UNC79: variants seen among roughly 807,000 people sequenced by gnomAD.
UNC79 encodes protein unc-79 homolog.
In UNC79, 37 loss-of-function variants were observed where a neutral mutation model predicts 283.1. The observed-to-expected ratio is 0.13, with a 90% CI of 0.10 to 0.17. The LOEUF (loss-of-function observed/expected upper bound fraction) is 0.17. Among genes scored for constraint, UNC79 ranks in the 10% least tolerant of loss-of-function variants. The pLI is 1.00. For missense variants in UNC79, 2,272 were observed against 3,211.1 expected, an observed-to-expected ratio of 0.71 and a Z score of 7.07; for synonymous variants, 1,107 against 1,200.2, an observed-to-expected ratio of 0.92 and a Z score of 1.61.
chr14:93,504,178 C>A (rs1360593001), intron 7 of UNC79, among the ~76,000 whole-genome samples: 1 of 151,850 alleles, frequency 6.6e-6, no homozygotes, highest in Admixed American at 6.6e-5. Flanking sequence ...AATTTTAAAT[C>A]CACCTGTGCA....
intron 14 of UNC79, among the ~76,000 whole-genome samples, chr14:93,545,268 G>T (rs1479723944): frequency 1.3e-5 from 2 of 152,114 alleles, no homozygotes; most frequent in African/African-American, 2.4e-5. Context: ...ATCAAAGTAA[G>T]ATTACTTTTG....
chr14:93,685,321 T>C (rs958119565), intron 42 of UNC79, among the ~76,000 whole-genome samples: 4 of 152,202 alleles, frequency 2.6e-5, no homozygotes, highest in African/African-American at 7.2e-5. Flanking sequence ...TTGCATGACA[T>C]GTGAAAGGTC....
intron 1 of UNC79, among the ~76,000 whole-genome samples, chr14:93,335,741 GAAAC>G (rs1256906069): frequency 3.9e-5 from 6 of 152,204 alleles, no homozygotes; most frequent in Non-Finnish European, 8.8e-5. Context: ...CATAAACAAA[GAAAC>G]AAAGTGAGAG....
At chr14:93,420,899 T>G (rs1241065164) in intron 1 of UNC79, among the ~76,000 whole-genome samples, 1 of 151,620 alleles carries the variant, frequency 6.6e-6, no homozygotes, top group East Asian at 1.9e-4. Flanking sequence ...AAAATTTTCT[T>G]GAAACAAATG....
chr14:93,528,212 A>C (rs563135020), intron 8 of UNC79, among the ~76,000 whole-genome samples: 1 of 152,350 alleles, frequency 6.6e-6, no homozygotes, highest in East Asian at 1.9e-4. Context: ...TACCACTTTA[A>C]AGAAGGAATT....
intron 1 of UNC79, among the ~76,000 whole-genome samples, chr14:93,380,005 T>C (rs1447750571): frequency 6.6e-6 from 1 of 152,130 alleles, no homozygotes; most frequent in Non-Finnish European, 1.5e-5. Flanking sequence ...TGCCACCTCA[T>C]AGTATTGTGA....
chr14:93,685,752 T>C (rs2074190949), intron 42 of UNC79, among the ~76,000 whole-genome samples: 1 of 152,208 alleles, frequency 6.6e-6, no homozygotes, highest in Non-Finnish European at 1.5e-5. Flanking sequence ...GCCTGATGTG[T>C]GGTTTCTCTC....
intron 1 of UNC79, among the ~76,000 whole-genome samples, chr14:93,349,644 C>A (rs564227157): frequency 8.5e-5 from 13 of 152,296 alleles, no homozygotes; most frequent in African/African-American, 3.1e-4. Context: ...TGGTTTGTTA[C>A]ATCCACAGGC....
chr14:93,639,657 T>C (rs916159275), intron 32 of UNC79, among the ~76,000 whole-genome samples: 2 of 152,248 alleles, frequency 1.3e-5, no homozygotes, highest in African/African-American at 4.8e-5. Flanking sequence ...TTTCAGATAC[T>C]TTCCTTTGCA....
At chr14:93,423,985 G>T (rs1398659954) in intron 1 of UNC79, among the ~76,000 whole-genome samples, 1 of 152,008 alleles carries the variant, frequency 6.6e-6, no homozygotes, top group Non-Finnish European at 1.5e-5. Flanking sequence ...TTAATAACGA[G>T]AATATATAAG....
At chr14:93,642,217 G>A (rs2069104308) in intron 33 of UNC79, among the ~76,000 whole-genome samples, 1 of 152,048 alleles carries the variant, frequency 6.6e-6, no homozygotes, top group African/African-American at 2.4e-5. Context: ...GAGGTCAGGA[G>A]ATCGAGACCA....
intron 12 of UNC79, 26 bp downstream of exon 12, chr14:93,538,244 C>T: frequency 6.6e-7 from 1 of 1,515,170 alleles, no homozygotes; most frequent in Non-Finnish European, 8.9e-7. Context: ...TTAGTAGCTG[C>T]CTCTGACAAC....
chr14:93,682,840 T>G, intron 42 of UNC79, 146 bp downstream of exon 45: 1 of 691,212 alleles, frequency 1.4e-6, no homozygotes, highest in Non-Finnish European at 2.4e-6. Context: ...CTATAATTCT[T>G]TGATTCATAA....
intron 17 of UNC79, among the ~76,000 whole-genome samples, chr14:93,576,017 G>C (rs1258243196): frequency 6.6e-6 from 1 of 152,222 alleles, no homozygotes; most frequent in Non-Finnish European, 1.5e-5. Flanking sequence ...CCTGATAGGA[G>C]CCAGCTGCTA....
At chr14:93,373,990 CG>C (rs1174196306) in intron 1 of UNC79, among the ~76,000 whole-genome samples, 1 of 152,050 alleles carries the variant, frequency 6.6e-6, no homozygotes, top group Non-Finnish European at 1.5e-5. Context: ...AAATCAAAAG[CG>C]GTGGAGGCTT....
intron 5 of UNC79, among the ~76,000 whole-genome samples, chr14:93,488,963 A>G (rs1290506864): frequency 6.6e-6 from 1 of 152,224 alleles, no homozygotes; most frequent in Non-Finnish European, 1.5e-5. Context: ...TTTTTAAGAT[A>G]CAGAGTCTTA....
chr14:93,363,912 G>A (rs2054275477), intron 1 of UNC79, among the ~76,000 whole-genome samples: 1 of 152,036 alleles, frequency 6.6e-6, no homozygotes, highest in Admixed American at 6.6e-5. Flanking sequence ...AGTAGAGACA[G>A]GGTTTCACCT....
chr14:93,414,348 G>A (rs113688541), intron 1 of UNC79, among the ~76,000 whole-genome samples: 16 of 151,904 alleles, frequency 1.1e-4, no homozygotes, highest in South Asian at 2.1e-4. Flanking sequence ...GATATGTGGC[G>A]TTATTTCTGA....
intron 7 of UNC79, among the ~76,000 whole-genome samples, chr14:93,512,145 C>G (rs1278943511): frequency 6.6e-6 from 1 of 151,994 alleles, no homozygotes; most frequent in Non-Finnish European, 1.5e-5. Context: ...CTCTAGTTAC[C>G]TTTTTGTTTT....
Sources: allele counts gnomAD v4.1 joint callset (sites outside exome capture counted in the v4.1 genomes callset), GRCh38; gene constraint gnomAD v4.1.1; transcripts MANE v1.5; gene names NCBI Gene and HGNC (gene_info 2026-07-23, HGNC 2026-07-21).